Variants in CNTN6 observed in about 807,000 individuals in gnomAD.
CNTN6 encodes the protein contactin 6.
Under a neutral mutation model 122.8 loss-of-function variants are expected in CNTN6, and 137 were observed. That is an observed-to-expected ratio of 1.12 (90% CI 0.97 to 1.29). The LOEUF (loss-of-function observed/expected upper bound fraction) is 1.29. Among genes scored for constraint, CNTN6 ranks in the 50% most tolerant of loss-of-function variants. CNTN6 has a pLI of 0.00. For synonymous variants in CNTN6, 570 were observed against 426.0 expected (o/e 1.34, Z -4.16); for missense variants, 1,634 against 1,223.4 (o/e 1.34, Z -5.01).
chr3:1,327,324 A>G (rs1701671976), intron 9 of CNTN6, 133 bp from the exon 10 acceptor site: 1 of 945,260 alleles, frequency 1.1e-6, no homozygotes, highest in East Asian at 2.8e-5. Flanking sequence ...TGCTGCTCAG[A>G]ATCTAGTAGT....
chr3:1,212,426 GT>G (rs1333057302), intron 2 of CNTN6, among the ~76,000 whole-genome samples: 1 of 150,032 alleles, frequency 6.7e-6, no homozygotes, highest in African/African-American at 2.5e-5. Flanking sequence ...ATGTATAGTA[GT>G]ATGTATACAC....
At chr3:1,098,647 C>G (rs959044073) in intron 1 of CNTN6, among the ~76,000 whole-genome samples, 3 of 151,008 alleles carry the variant, frequency 2.0e-5, no homozygotes, top group African/African-American at 7.3e-5. Context: ...AACTCAACAT[C>G]ATGTCTGCTG....
At chr3:1,175,840 T>C (rs945311443) in intron 2 of CNTN6, among the ~76,000 whole-genome samples, 5 of 151,914 alleles carry the variant, frequency 3.3e-5, no homozygotes, top group Admixed American at 3.3e-4. Flanking sequence ...TAGGATGTAA[T>C]TGAAGGGTTA....
At chr3:1,176,745 A>G (rs1233953077) in intron 2 of CNTN6, among the ~76,000 whole-genome samples, 2 of 152,208 alleles carry the variant, frequency 1.3e-5, no homozygotes, top group Admixed American at 6.5e-5. Context: ...AAAGTGTGGA[A>G]ATAGAAGCAA....
At chr3:1,254,701 A>C (rs55822710) in intron 4 of CNTN6, among the ~76,000 whole-genome samples, 13,317 of 152,218 alleles carry the variant, frequency 0.087, 630 homozygotes, top group Middle Eastern at 0.15. Context: ...GAGAGACTAA[A>C]ATGAAAAAGT....
Position 1,375,682 on chromosome 3 carries a change from C to T in CNTN6, c.2096-1323C>T, listed in dbSNP as rs1460527949. 5.9e-5 allele frequency among the ~76,000 whole-genome samples: 9 copies of T among 152,174 alleles called. No individual in the cohort carries two copies. In the South Asian group the frequency reaches 6.2e-4, roughly 11 times the overall value. On this transcript the variant is annotated intron_variant, in intron 16 of 22. Coordinates refer to ENST00000446702, the MANE Select transcript of CNTN6 (RefSeq NM_001289080.2). Reference sequence around the variant, plus strand: ...CTGTAAAATCCACTCTGATTCACATCGCTTTTGATCAAAGGCATTGGAAGT... The same window carrying T: ...CTGTAAAATCCACTCTGATTCACATTGCTTTTGATCAAAGGCATTGGAAGT...
chr3:1,099,675 G>C (rs2090773824), intron 1 of CNTN6, among the ~76,000 whole-genome samples: 1 of 152,058 alleles, frequency 6.6e-6, no homozygotes, highest in African/African-American at 2.4e-5. Flanking sequence ...ACAATTTCAT[G>C]TTTGTTATTT....
intron 1 of CNTN6, among the ~76,000 whole-genome samples, chr3:1,110,407 T>G (rs1314839793): frequency 6.6e-6 from 1 of 152,078 alleles, no homozygotes; most frequent in Non-Finnish European, 1.5e-5. Context: ...AATTGCCTCT[T>G]GACTTAGGAT....
At chr3:1,233,464 G>T (rs115761189) in intron 4 of CNTN6, among the ~76,000 whole-genome samples, 14 of 152,144 alleles carry the variant, frequency 9.2e-5, no homozygotes, top group South Asian at 8.3e-4. Flanking sequence ...AGCCAGGCGC[G>T]GTGGCTCACG....
chr3:1,233,078 C>A (rs868118673), intron 4 of CNTN6, among the ~76,000 whole-genome samples: 36 of 152,112 alleles, frequency 2.4e-4, no homozygotes, highest in African/African-American at 8.4e-4. Flanking sequence ...ATAAGTAGTC[C>A]TTTATATCCG....
intron 7 of CNTN6, among the ~76,000 whole-genome samples, chr3:1,309,515 A>C (rs919425673): frequency 6.6e-6 from 1 of 152,140 alleles, no homozygotes; most frequent in Non-Finnish European, 1.5e-5. Context: ...ACATTGCCTC[A>C]ATTACTGTAG....
chr3:1,385,648 T>C lies in CNTN6; in HGVS notation c.2555T>C (p.Ile852Thr), dbSNP rs1235111296. 2.5e-6 allele frequency: 4 copies of C among 1,613,910 alleles called. No homozygotes were observed. The highest frequency in any genetic ancestry group is 3.3e-5 in the Admixed American group (2 of 59,986). ...YWTDDSKESM[I>T]GKIRVSGNVT... The stretch of plus-strand genomic sequence containing the variant: ...ACAGATGACTCCAAAGAATCCATGA[T>C]AGGTAAAATTAGAGTCAGTGGAAAT... Residue 852 changes from isoleucine (I) to threonine (T), a missense_variant, in exon 20 of 23, where the codon ATA becomes ACA. Ile to Thr is a moderately conservative substitution (Grantham distance 89). Coordinates refer to ENST00000446702, the MANE Select transcript of CNTN6 (RefSeq NM_001289080.2).
chr3:1,151,411 C>T (rs1001052359), intron 2 of CNTN6, among the ~76,000 whole-genome samples: 13 of 152,054 alleles, frequency 8.5e-5, no homozygotes, highest in African/African-American at 2.9e-4. Flanking sequence ...ATTAAAGTTA[C>T]AGTCATAAGT....
chr3:1,309,266 T>A (rs919073682), intron 7 of CNTN6, among the ~76,000 whole-genome samples: 1 of 152,210 alleles, frequency 6.6e-6, no homozygotes, highest in Non-Finnish European at 1.5e-5. Context: ...TATAGCTTTA[T>A]GTTTTGCATT....
At chr3:1,299,019 G>A (rs1420056490) in intron 7 of CNTN6, among the ~76,000 whole-genome samples, 1 of 152,078 alleles carries the variant, frequency 6.6e-6, no homozygotes, top group Non-Finnish European at 1.5e-5. Flanking sequence ...TCCAAATAAT[G>A]GTGGTTACTA....
intron 4 of CNTN6, among the ~76,000 whole-genome samples, chr3:1,243,359 G>A (rs981762674): frequency 6.6e-6 from 1 of 152,154 alleles, no homozygotes; most frequent in Non-Finnish European, 1.5e-5. Flanking sequence ...AGATGTGGCT[G>A]GGGTTTGTGT....
At chr3:1,257,457 C>G (rs796549600) in intron 4 of CNTN6, among the ~76,000 whole-genome samples, 56 of 152,192 alleles carry the variant, frequency 3.7e-4, no homozygotes, top group African/African-American at 1.1e-3. Context: ...GGTCAGCACT[C>G]TTATAATTTC....
chr3:1,232,179 T>C (rs1396272387), intron 4 of CNTN6, among the ~76,000 whole-genome samples: 3 of 152,228 alleles, frequency 2.0e-5, no homozygotes, highest in East Asian at 3.8e-4. Context: ...ACATTTATGA[T>C]AAAAGGTAGT....
Position 1,102,610 on chromosome 3 carries a change from C to T in CNTN6, c.-83+9490C>T, listed in dbSNP as rs918649726. The stretch of plus-strand genomic sequence containing the variant: ...CGGGCGTGGTGGCGGCGCCTGTAGT[C>T]CCAGCTACTCGGGAGGCTGAGGCAG... On this transcript the variant is annotated intron_variant, in intron 1 of 22. Coordinates refer to ENST00000446702, the MANE Select transcript of CNTN6 (RefSeq NM_001289080.2). Among the ~76,000 whole-genome samples the T allele has an allele frequency of 3.7e-3, 547 of 148,956 alleles. 9 individuals carry two copies. The highest frequency in any genetic ancestry group is 0.012 in the African/African-American group (489 of 40,618).
Sources: gnomAD v4.1 joint callset for allele counts (sites outside exome capture counted in the v4.1 genomes callset) on GRCh38, gnomAD v4.1.1 for gene constraint, MANE v1.5 for transcripts, NCBI Gene and HGNC (gene_info 2026-07-23, HGNC 2026-07-21) for gene names.